CACNG5: variants seen among roughly 807,000 people sequenced by gnomAD.
CACNG5 encodes voltage-dependent calcium channel gamma-5 subunit.
Under a neutral mutation model 24.8 loss-of-function variants are expected in CACNG5, and 18 were observed. That is an observed-to-expected ratio of 0.73 (90% CI 0.50 to 1.08). CACNG5 has a LOEUF of 1.08. Ranked by LOEUF, CACNG5 falls within the 50% of genes least tolerant of loss-of-function variation. The probability of loss-of-function intolerance (pLI) is 0.00; values close to 1 mark genes in which losing one functional copy is unlikely to be tolerated. For missense variants in CACNG5, 349 were observed against 367.9 expected, an observed-to-expected ratio of 0.95 and a Z score of 0.42; for synonymous variants, 157 against 149.1, an observed-to-expected ratio of 1.05 and a Z score of -0.39.
rs1391577724 is a variant in CACNG5 at position 66,885,819 on chromosome 17, A to G, written c.*579A>G. Among the ~76,000 whole-genome samples the G allele has an allele frequency of 6.6e-6, 1 of 152,122 alleles. No homozygotes were observed. Among genetic ancestry groups the G allele is most frequent in the Non-Finnish European group, 1.5e-5 (1 of 68,020 alleles). ...GTCCCTCCACATGACACACCTGTCC[A>G]TGCTCTTCCCTCCCTGACACAGGCT... On this transcript the variant is annotated 3_prime_UTR_variant, in exon 6 of 6. Coordinates refer to ENST00000533854, the MANE Select transcript of CACNG5 (RefSeq NM_145811.3).
chr17:66,877,795 C>G (rs1977104784), intron 2 of CACNG5, among the ~76,000 whole-genome samples: 1 of 152,238 alleles, frequency 6.6e-6, no homozygotes, highest in Admixed American at 6.5e-5. Flanking sequence ...TCCCCACACT[C>G]TGCTCCCAGG....
intron 1 of CACNG5, among the ~76,000 whole-genome samples, chr17:66,842,582 G>A (rs1976583709): frequency 1.3e-5 from 2 of 152,322 alleles, no homozygotes; most frequent in Admixed American, 1.3e-4. Flanking sequence ...TGGAACTCAA[G>A]GATGGGCCTC....
At chr17:66,884,841 G>A (rs777478139) in intron 5 of CACNG5, 142 bp from the exon 6 acceptor site, 38 of 1,613,024 alleles carry the variant, frequency 2.4e-5, no homozygotes, top group Middle Eastern at 3.3e-4. Context: ...GGTCTCCTCC[G>A]GCCAGGATGT....
intron 1 of CACNG5, among the ~76,000 whole-genome samples, chr17:66,856,148 T>A (rs1489904610): frequency 6.6e-6 from 1 of 152,218 alleles, no homozygotes; most frequent in African/African-American, 2.4e-5. Flanking sequence ...CATTTTTGTG[T>A]ATTTTGTACT....
In CACNG5 at chr17:66,885,186, C is replaced by A; in HGVS notation, c.774C>A (p.Tyr258Ter). The change falls in exon 6 of 6, where the codon TAC becomes TAA. Residue 258 changes from tyrosine to a stop codon, truncating the protein, a stop_gained. Transcript: ENST00000533854. LOFTEE classifies it high-confidence loss of function. ...CCTCCCTGCAGATGAACAGCAACTA[C>A]CCCGCCTTGCTCAAGTGCCCCGACT... ...SEASLQMNSN[Y>*]PALLKCPDYD... The A allele has an allele frequency of 6.2e-7, 1 of 1,609,178 alleles. No individual in the cohort carries two copies. The highest frequency in any genetic ancestry group is 1.1e-5 in the South Asian group (1 of 90,998).
At chr17:66,837,170 T>C (rs1976492373) in intron 1 of CACNG5, among the ~76,000 whole-genome samples, 2 of 152,204 alleles carry the variant, frequency 1.3e-5, no homozygotes, top group Admixed American at 1.3e-4. Flanking sequence ...GCTGGTGTTG[T>C]GGCCTCTGCT....
chr17:66,859,459 G>A (rs1976826561), intron 1 of CACNG5, among the ~76,000 whole-genome samples: 2 of 152,146 alleles, frequency 1.3e-5, no homozygotes, highest in South Asian at 4.1e-4. Flanking sequence ...GCAGGAAAAC[G>A]ATGCTGGGAG....
In CACNG5 at chr17:66,877,387, T is replaced by A; in HGVS notation, c.55T>A (p.Cys19Ser). The A allele has an allele frequency of 6.2e-7, 1 of 1,614,172 alleles. No individual in the cohort carries two copies. The highest frequency in any genetic ancestry group is 8.5e-7 in the Non-Finnish European group (1 of 1,180,018). The change falls in exon 2 of 6, where the codon TGT (cysteine) becomes AGT (serine). Residue 19 changes from cysteine (C) to serine (S), a missense_variant. Cys to Ser is a moderately radical substitution (Grantham distance 112). Coordinates refer to ENST00000533854, the MANE Select transcript of CACNG5 (RefSeq NM_145811.3). The stretch of plus-strand genomic sequence containing the variant: ...CCTGCTGAGCAGTGTCTTTGCTGTC[T>A]GTGGCTTGGGCCTCCTGGGTATCGC... ...LTLLSSVFAV[C>S]GLGLLGIAVS...
intron 1 of CACNG5, among the ~76,000 whole-genome samples, chr17:66,876,979 C>CTGAATGAATGAATGAATGAATGAA (rs3834579): frequency 6.7e-6 from 1 of 149,004 alleles, no homozygotes; most frequent in Admixed American, 6.6e-5. Flanking sequence ...CAATGGGTTG[C>CTGAATGAATGAATGAATGAATGAA]TGAATGAATG....
chr17:66,839,941 G>A (rs918187400), intron 1 of CACNG5, among the ~76,000 whole-genome samples: 17 of 152,210 alleles, frequency 1.1e-4, no homozygotes, highest in African/African-American at 4.1e-4. Flanking sequence ...CGCTGTTGGG[G>A]CATGAGTATG....
At chr17:66,878,127 T>G (rs1977110179) in intron 2 of CACNG5, among the ~76,000 whole-genome samples, 2 of 152,194 alleles carry the variant, frequency 1.3e-5, no homozygotes, top group Admixed American at 1.3e-4. Flanking sequence ...GGCCTACCTT[T>G]TTACTCACTA....
chr17:66,880,777 T>C, intron 4 of CACNG5, 80 bp downstream of exon 4: 1 of 1,520,822 alleles, frequency 6.6e-7, no homozygotes, highest in Non-Finnish European at 9.0e-7. Flanking sequence ...AGTCTTGCTC[T>C]GGCACCCACG....
At chr17:66,875,358 C>T (rs564730461) in intron 1 of CACNG5, among the ~76,000 whole-genome samples, 1 of 152,188 alleles carries the variant, frequency 6.6e-6, no homozygotes, top group African/African-American at 2.4e-5. Context: ...ATCATTGTGG[C>T]TTAAAGCCCT....
At chr17:66,840,681 C>CT in intron 1 of CACNG5, among the ~76,000 whole-genome samples, 1 of 152,310 alleles carries the variant, frequency 6.6e-6, no homozygotes, top group East Asian at 1.9e-4. Flanking sequence ...CTGCTGGTAT[C>CT]CACAGACACC....
rs1318487210 is a variant in CACNG5, at chr17:66,880,773, G to A, written c.424+76G>A. 5.2e-6 allele frequency: 8 copies of A among 1,541,842 alleles called. No homozygotes were observed. The East Asian group carries it at 1.6e-4, about 30-fold the overall frequency. On this transcript the variant is annotated intron_variant, in intron 4 of 5. Transcript: ENST00000533854. ...TTTTTTGTTTTTGAGACAGAGTCTTGCTCTGGCACCCACGCTGGAGTGCAG... is the reference window on the plus strand; with the variant it reads ...TTTTTTGTTTTTGAGACAGAGTCTTACTCTGGCACCCACGCTGGAGTGCAG...
intron 1 of CACNG5, among the ~76,000 whole-genome samples, chr17:66,858,565 G>T (rs1976812320): frequency 6.6e-6 from 1 of 152,286 alleles, no homozygotes; most frequent in South Asian, 2.1e-4. Flanking sequence ...GGGGTGGCAT[G>T]AGCCAGGCTG....
At chr17:66,879,081 C>T in intron 3 of CACNG5, 23 bp downstream of exon 3, 2 of 1,584,196 alleles carry the variant, frequency 1.3e-6, no homozygotes, top group Non-Finnish European at 1.7e-6. Context: ...AGTCTGGCAA[C>T]CTGGGCCACT....
In CACNG5 at chr17:66,890,438, G is replaced by A. The variant is rs1977327012; in HGVS notation, c.*5198G>A. On this transcript the variant is annotated 3_prime_UTR_variant, in exon 6 of 6. Transcript: ENST00000533854. ...CCCAGGACAGGTGCTAGGGCCTCAT[G>A]TCCTTGGTACTGGCAGAGCTGAGGT... Among the ~76,000 whole-genome samples the A allele has an allele frequency of 6.6e-6, 1 of 152,228 alleles. No homozygotes were observed. Among genetic ancestry groups the A allele is most frequent in the South Asian group, 2.1e-4 (1 of 4,834 alleles).
chr17:66,835,528 G>T (rs1247071132), intron 1 of CACNG5, among the ~76,000 whole-genome samples: 1 of 152,190 alleles, frequency 6.6e-6, no homozygotes, highest in African/African-American at 2.4e-5. Flanking sequence ...CTTTGCAGTC[G>T]CTTCTAGGCA....
Sources: gnomAD v4.1 joint callset for allele counts (sites outside exome capture counted in the v4.1 genomes callset) on GRCh38, gnomAD v4.1.1 for gene constraint, MANE v1.5 for transcripts, NCBI Gene and HGNC (gene_info 2026-07-23, HGNC 2026-07-21) for gene names.